The following POF1B variants were observed in gnomAD, a reference collection of about 807,000 sequenced individuals.
POF1B encodes protein POF1B.
In POF1B, 53 loss-of-function variants were observed where a neutral mutation model predicts 55.3. The observed-to-expected ratio is 0.96, with a 90% CI of 0.77 to 1.20. The LOEUF (loss-of-function observed/expected upper bound fraction) is 1.20, where lower values mean the gene tolerates loss of function less well. POF1B is among the 50% of genes most tolerant of loss of function. The pLI is 0.00. For missense variants in POF1B, 478 were observed against 420.5 expected, an observed-to-expected ratio of 1.14 and a Z score of -1.20; for synonymous variants, 188 against 148.3, an observed-to-expected ratio of 1.27 and a Z score of -1.95.
chrX:85,373,728 A>G (rs1352060482), intron 2 of POF1B, among the ~76,000 whole-genome samples: 1 of 111,470 alleles, frequency 9.0e-6, no homozygotes, highest in Non-Finnish European at 1.9e-5. Context: ...CTCACTAGGT[A>G]AGTTTTGAGG....
At chrX:85,326,391 G>A (rs1182496423) in intron 7 of POF1B, among the ~76,000 whole-genome samples, 3 of 110,288 alleles carry the variant, frequency 2.7e-5, no homozygotes, top group African/African-American at 6.6e-5. Context: ...CTTTGTGTGC[G>A]GATTCACACA....
At position 85,359,571 on chromosome X, in the gene POF1B, A is replaced by G. The variant is rs758527133; in HGVS notation, c.417T>C (p.Tyr139=). 7.5e-6 allele frequency: 9 copies of G among 1,199,712 alleles called. No homozygotes were observed. Among genetic ancestry groups the G allele is most frequent in the South Asian group, 7.2e-5 (4 of 55,570 alleles). Residue 139 remains tyrosine (Y), a synonymous_variant, in exon 4 of 17, where the codon TAT becomes TAC. Coordinates refer to ENST00000262753, the MANE Select transcript of POF1B (RefSeq NM_024921.4). ...TTYPQTTIRK[Y]VVQNPEQEPL... is the part of the protein sequence containing the mutation. ...TTACCTGTTCAGGATTTTGTACTAC[A>G]TATTTCCTAATAGTGGTCTGTGGAT... is the stretch of plus-strand genomic sequence containing the variant.
At chrX:85,377,810 G>A (rs1345057104) in intron 2 of POF1B, among the ~76,000 whole-genome samples, 1 of 111,856 alleles carries the variant, frequency 8.9e-6, no homozygotes, top group African/African-American at 3.2e-5. Context: ...CCTAAAAATT[G>A]TCCGGTAGCC....
intron 15 of POF1B, among the ~76,000 whole-genome samples, chrX:85,298,567 G>A (rs1404582078): frequency 1.8e-5 from 2 of 111,515 alleles, no homozygotes; most frequent in Admixed American, 1.9e-4. Context: ...TCAAATCTCA[G>A]TGTTTTCTCT....
intron 6 of POF1B, among the ~76,000 whole-genome samples, chrX:85,337,465 A>G (rs762740630): frequency 8.9e-6 from 1 of 111,737 alleles, no homozygotes; most frequent in Non-Finnish European, 1.9e-5. Context: ...GGTTCTTATG[A>G]AGAAGCTTTT....
chrX:85,363,939 G>A (rs1393142519), intron 3 of POF1B, among the ~76,000 whole-genome samples: 1 of 111,640 alleles, frequency 9.0e-6, no homozygotes, highest in Non-Finnish European at 1.9e-5. Context: ...CCTGTGATGG[G>A]TGCATATATA....
intron 4 of POF1B, among the ~76,000 whole-genome samples, chrX:85,352,738 C>T (rs1449286813): frequency 9.0e-6 from 1 of 111,287 alleles, no homozygotes; most frequent in Non-Finnish European, 1.9e-5. Flanking sequence ...TAAGTGCTTG[C>T]TATGCACAGT....
At chrX:85,369,772 A>G (rs890385432) in intron 2 of POF1B, among the ~76,000 whole-genome samples, 7 of 111,768 alleles carry the variant, frequency 6.3e-5, no homozygotes, top group African/African-American at 2.3e-4. Flanking sequence ...TGGGGCATGG[A>G]GTATGTGTGT....
At chrX:85,353,420 A>C (rs1055514951) in intron 4 of POF1B, among the ~76,000 whole-genome samples, 1 of 110,799 alleles carries the variant, frequency 9.0e-6, no homozygotes, top group Non-Finnish European at 1.9e-5. Flanking sequence ...CCCAATAATC[A>C]AAAACAGTAC....
rs569022945 is a variant in POF1B at position 85,343,297 on chromosome X, G to A, written c.723+2563C>T. Among the ~76,000 whole-genome samples the A allele has an allele frequency of 1.2e-4, 13 of 111,011 alleles. No individual in the cohort carries two copies. In the South Asian group the frequency reaches 4.9e-3, roughly 42 times the overall value. On this transcript the variant is annotated intron_variant, in intron 6 of 16. Coordinates refer to ENST00000262753, the MANE Select transcript of POF1B (RefSeq NM_024921.4). ...ACATAGAAATCTCAAACTACAGTATGAATAATAAAAAAGTGATACATTAGT... is the reference window on the plus strand; with the variant it reads ...ACATAGAAATCTCAAACTACAGTATAAATAATAAAAAAGTGATACATTAGT...
chrX:85,335,305 A>C (rs1933050463), intron 6 of POF1B, among the ~76,000 whole-genome samples: 1 of 111,686 alleles, frequency 9.0e-6, no homozygotes, highest in Admixed American at 9.6e-5. Flanking sequence ...CCTCACTATT[A>C]GTAAAAGGTT....
At chrX:85,371,981 T>A (rs759444890) in intron 2 of POF1B, among the ~76,000 whole-genome samples, 11 of 112,090 alleles carry the variant, frequency 9.8e-5, no homozygotes, top group East Asian at 5.6e-4. Flanking sequence ...AGTCGTTTAT[T>A]CCTGTGGGTC....
chrX:85,299,869 G>A (rs1275649405), intron 15 of POF1B, among the ~76,000 whole-genome samples: 2 of 112,524 alleles, frequency 1.8e-5, no homozygotes, highest in Non-Finnish European at 3.7e-5. Flanking sequence ...AACAAGGTTA[G>A]AGCTCCTTCA....
At chrX:85,318,513 T>G (rs1300145172) in intron 7 of POF1B, among the ~76,000 whole-genome samples, 1 of 112,053 alleles carries the variant, frequency 8.9e-6, no homozygotes, top group Non-Finnish European at 1.9e-5. Context: ...GGTTTCAGGT[T>G]TAAGACTTTA....
intron 3 of POF1B, 109 bp downstream of exon 3, chrX:85,367,583 G>T: frequency 1.9e-6 from 1 of 518,573 alleles, no homozygotes; most frequent in Non-Finnish European, 3.3e-6. Flanking sequence ...TCCTCACATG[G>T]TGTGAATGTG....
Position 85,379,411 on chromosome X carries a change from C to G in POF1B, c.44G>C (p.Gly15Ala). ...YWSETSSSSC[G>A]TQQLPEVLQC... ...CAGCACCTCTGGGAGCTGCTGGGTT[C>G]CACAGCTGCTGCTGCTCGTCTCACT... Residue 15 changes from glycine (G) to alanine (A), a missense_variant, in exon 2 of 17, where the codon GGA (glycine) becomes GCA (alanine). Gly to Ala is a moderately conservative substitution (Grantham distance 60). Transcript: ENST00000262753. The G allele has an allele frequency of 8.3e-7, 1 of 1,209,614 alleles. No homozygotes were observed. Among genetic ancestry groups the G allele is most frequent in the Non-Finnish European group, 1.1e-6 (1 of 894,981 alleles).
intron 15 of POF1B, among the ~76,000 whole-genome samples, chrX:85,285,481 A>G (rs755333557): frequency 9.0e-6 from 1 of 110,793 alleles, no homozygotes; most frequent in East Asian, 2.9e-4. Context: ...ATAAAAAAGG[A>G]TGAGTTCACG....
At chrX:85,330,647 C>T (rs1392082606) in intron 7 of POF1B, among the ~76,000 whole-genome samples, 1 of 110,672 alleles carries the variant, frequency 9.0e-6, no homozygotes, top group Non-Finnish European at 1.9e-5. Context: ...TAAAATGAGA[C>T]ATTTGCTCAT....
chrX:85,376,311 TTC>T (rs986583629), intron 2 of POF1B, among the ~76,000 whole-genome samples: 9 of 111,884 alleles, frequency 8.0e-5, no homozygotes, highest in South Asian at 3.7e-4. Flanking sequence ...TTTAAGGCAT[TTC>T]ATTTTGAGTT....
Sources: gnomAD v4.1 joint callset for allele counts (sites outside exome capture counted in the v4.1 genomes callset) on GRCh38, gnomAD v4.1.1 for gene constraint, MANE v1.5 for transcripts, NCBI Gene and HGNC (gene_info 2026-07-23, HGNC 2026-07-21) for gene names.